ZNF804B: variants seen among roughly 807,000 people sequenced by gnomAD.
The protein encoded by ZNF804B is zinc finger protein 804B.
In ZNF804B, 80 loss-of-function variants were observed where a neutral mutation model predicts 101.4. That is an observed-to-expected ratio of 0.79 (90% CI 0.66 to 0.95). The LOEUF (loss-of-function observed/expected upper bound fraction) is 0.95, where lower values mean the gene tolerates loss of function less well. Among genes scored for constraint, ZNF804B ranks in the 40% least tolerant of loss-of-function variants. The probability of loss-of-function intolerance (pLI) is 0.00; values close to 1 mark genes in which losing one functional copy is unlikely to be tolerated. For synonymous variants in ZNF804B, 622 were observed against 558.8 expected (o/e 1.11, Z -1.59); for missense variants, 1,673 against 1,561.9 (o/e 1.07, Z -1.20).
At chr7:89,191,134 A>T (rs1426038937) in intron 1 of ZNF804B, among the ~76,000 whole-genome samples, 1 of 152,160 alleles carries the variant, frequency 6.6e-6, no homozygotes, top group Non-Finnish European at 1.5e-5. Flanking sequence ...ATGTTTCCTA[A>T]ACAGAGAATC....
intron 1 of ZNF804B, among the ~76,000 whole-genome samples, chr7:88,933,664 A>ATTT (rs1437728050): frequency 6.6e-6 from 1 of 151,990 alleles, no homozygotes; most frequent in Non-Finnish European, 1.5e-5. Flanking sequence ...GTATCAAATC[A>ATTT]TGAACTCAAT....
intron 1 of ZNF804B, among the ~76,000 whole-genome samples, chr7:88,899,893 T>A (rs901743945): frequency 6.6e-5 from 10 of 152,212 alleles, no homozygotes; most frequent in Non-Finnish European, 1.3e-4. Flanking sequence ...GTAGTTTACA[T>A]ATTTTATGAG....
In ZNF804B at chr7:89,305,357, C is replaced by T. The variant is rs1488718387; in HGVS notation, c.250-21987C>T. ...TTGTAGGATTTTATTATAACCATGA[C>T]AAGATGAGGGTCACATGCACTTCTG... On this transcript the variant is annotated intron_variant, in intron 2 of 3. Transcript: ENST00000333190. Among the ~76,000 whole-genome samples, 7 of 151,806 alleles carry T rather than the reference C, an allele frequency of 4.6e-5. No individual in the cohort carries two copies. In the East Asian group the frequency reaches 1.4e-3, roughly 29 times the overall value.
At chr7:88,781,126 A>G (rs1790219394) in intron 1 of ZNF804B, among the ~76,000 whole-genome samples, 1 of 152,204 alleles carries the variant, frequency 6.6e-6, no homozygotes, top group South Asian at 2.1e-4. Context: ...AAAAAACAAT[A>G]AAAATTCCTT....
chr7:89,036,003 T>C (rs1188599600), intron 1 of ZNF804B, among the ~76,000 whole-genome samples: 2 of 127,750 alleles, frequency 1.6e-5, no homozygotes, highest in Non-Finnish European at 3.4e-5. Context: ...TTATATGATA[T>C]ATTAATATAT....
intron 1 of ZNF804B, among the ~76,000 whole-genome samples, chr7:88,995,809 T>G (rs1323619226): frequency 2.0e-4 from 31 of 152,030 alleles, no homozygotes. Flanking sequence ...ATATATGCCT[T>G]TGTTATGTTG....
chr7:88,854,541 T>TTCCTTTCCTTTCCTTCCCTTC (rs1554340270), intron 1 of ZNF804B, among the ~76,000 whole-genome samples: 1 of 88,620 alleles, frequency 1.1e-5, no homozygotes, highest in Admixed American at 1.4e-4. Flanking sequence ...CTTCCTTCCT[T>TTCCTTTCCTTTCCTTCCCTTC]CCTTCCTTCC....
rs548891226 is a variant in ZNF804B, at chr7:88,824,859, G to A, written c.108+64775G>A. 1.8e-4 allele frequency among the ~76,000 whole-genome samples: 28 copies of A among 152,306 alleles called. 1 individual carries two copies. In the South Asian group the frequency reaches 5.0e-3, roughly 27 times the overall value. ...TACGATCAAAGACTTACAATCAGTA[G>A]TAATGATCAAACAGGTCTATGAAGG... On this transcript the variant is annotated intron_variant, in intron 1 of 3. Transcript: ENST00000333190.
chr7:89,009,820 G>A (rs1425109977), intron 1 of ZNF804B, among the ~76,000 whole-genome samples: 1 of 152,158 alleles, frequency 6.6e-6, no homozygotes, highest in Admixed American at 6.6e-5. Flanking sequence ...AATGTCTGTT[G>A]TTAATAAGCC....
Position 89,032,878 on chromosome 7 carries a change from TATAATGTGGA to T in ZNF804B, c.109-185271_109-185262del, listed in dbSNP as rs1474596112. 2.6e-5 allele frequency among the ~76,000 whole-genome samples: 4 copies of T among 152,240 alleles called. No individual in the cohort carries two copies. In the East Asian group the frequency reaches 7.7e-4, roughly 29 times the overall value. ...ACAAGGTGATGTTATAATTTATGAA[TATAATGTGGA>T]ATAATTAAATGATTCTAATTAGCAT... On this transcript the variant is annotated intron_variant, in intron 1 of 3. Transcript: ENST00000333190.
At chr7:89,015,746 T>C in intron 1 of ZNF804B, among the ~76,000 whole-genome samples, 1 of 152,186 alleles carries the variant, frequency 6.6e-6, no homozygotes, top group East Asian at 1.9e-4. Context: ...TTGTTGGACA[T>C]TTGGGTTGGT....
intron 1 of ZNF804B, among the ~76,000 whole-genome samples, chr7:89,206,688 G>C (rs928505627): frequency 4.6e-5 from 7 of 152,152 alleles, no homozygotes; most frequent in Non-Finnish European, 1.0e-4. Flanking sequence ...GGAGGTGGAA[G>C]TTGCAGTGAG....
chr7:88,798,090 C>T (rs545299539), intron 1 of ZNF804B, among the ~76,000 whole-genome samples: 2 of 152,110 alleles, frequency 1.3e-5, no homozygotes, highest in Admixed American at 1.3e-4. Context: ...CCATGGGTAT[C>T]AGAACCTTGA....
chr7:89,145,892 T>C (rs1584014049), intron 1 of ZNF804B, among the ~76,000 whole-genome samples: 2 of 152,078 alleles, frequency 1.3e-5, no homozygotes, highest in East Asian at 3.9e-4. Context: ...TCTTAACCTT[T>C]AAAGACACAA....
chr7:89,180,439 C>A (rs973214605), intron 1 of ZNF804B, among the ~76,000 whole-genome samples: 3 of 151,994 alleles, frequency 2.0e-5, no homozygotes, highest in Admixed American at 6.6e-5. Flanking sequence ...TCACGCCCAC[C>A]CCAGGCCAAT....
chr7:89,289,665 C>T (rs1450039627), intron 2 of ZNF804B, among the ~76,000 whole-genome samples: 1 of 151,748 alleles, frequency 6.6e-6, no homozygotes, highest in African/African-American at 2.4e-5. Context: ...GCATTTAGAC[C>T]AGCCCTACAC....
At chr7:88,992,823 C>T (rs887669787) in intron 1 of ZNF804B, among the ~76,000 whole-genome samples, 18 of 151,962 alleles carry the variant, frequency 1.2e-4, no homozygotes, top group African/African-American at 3.6e-4. Flanking sequence ...TATTTTAAAT[C>T]AGAAAGCTAA....
intron 1 of ZNF804B, among the ~76,000 whole-genome samples, chr7:88,997,628 T>C (rs1338259864): frequency 6.6e-6 from 1 of 152,080 alleles, no homozygotes; most frequent in East Asian, 1.9e-4. Flanking sequence ...TCATTTCTAC[T>C]GGCAGGGGCA....
In ZNF804B at chr7:89,215,883, C is replaced by CTAAATAAA. The variant is rs71102024; in HGVS notation, c.109-2232_109-2225dup. On this transcript the variant is annotated intron_variant, in intron 1 of 3. Coordinates refer to ENST00000333190, the MANE Select transcript of ZNF804B (RefSeq NM_181646.5). ...TGGGCAACAGAGAGAGACTCCGTCTCTAAATAAATAAATAAATAAATAAAT... is the reference window on the plus strand; with the variant it reads ...TGGGCAACAGAGAGAGACTCCGTCTCTAAATAAATAAATAAATAAATAAATAAATAAAT... 8.7e-3 allele frequency among the ~76,000 whole-genome samples: 1,239 copies of CTAAATAAA among 143,076 alleles called. 11 individuals carry two copies. The highest frequency in any genetic ancestry group is 0.025 in the East Asian group (120 of 4,844). 93.9% of individuals were successfully genotyped at this position (143,076 alleles called of 152,430 possible).
Sources: gnomAD v4.1 joint callset for allele counts (sites outside exome capture counted in the v4.1 genomes callset) on GRCh38, gnomAD v4.1.1 for gene constraint, MANE v1.5 for transcripts, NCBI Gene and HGNC (gene_info 2026-07-23, HGNC 2026-07-21) for gene names.